OR1J2: variants seen among roughly 807,000 people sequenced by gnomAD.
The protein encoded by OR1J2 is olfactory receptor 1J2.
For missense variants in OR1J2, 304 were observed against 246.1 expected, an observed-to-expected ratio of 1.24 and a Z score of -1.57; for synonymous variants, 142 against 99.7, an observed-to-expected ratio of 1.42 and a Z score of -2.52.
the OR1J2 span, among the ~76,000 whole-genome samples, chr9:122,561,441 G>A: frequency 3.3e-5 from 5 of 152,062 alleles, no homozygotes; most frequent in East Asian, 9.6e-4. Flanking sequence ...GATTTTCAGC[G>A]TTTTTTCGTT....
the OR1J2 span, among the ~76,000 whole-genome samples, chr9:122,470,865 C>G: frequency 1.3e-5 from 2 of 152,198 alleles, no homozygotes; most frequent in African/African-American, 4.8e-5. Context: ...TTCAGACTTG[C>G]ATGGGGCCTG....
the OR1J2 span, among the ~76,000 whole-genome samples, chr9:122,537,664 A>T: frequency 1.0e-3 from 153 of 152,298 alleles, no homozygotes; most frequent in Non-Finnish European, 1.3e-3. Context: ...GGTTCTTCCT[A>T]TCCATGAGCA....
At chr9:122,526,109 C>G in the OR1J2 span, among the ~76,000 whole-genome samples, 1 of 152,114 alleles carries the variant, frequency 6.6e-6, no homozygotes, top group Non-Finnish European at 1.5e-5. Flanking sequence ...AATAGCTATC[C>G]CTTATTGAAC....
At chr9:122,456,555 C>G in the OR1J2 span, among the ~76,000 whole-genome samples, 4 of 152,076 alleles carry the variant, frequency 2.6e-5, no homozygotes, top group Non-Finnish European at 5.9e-5. Flanking sequence ...ATTAAGCTAA[C>G]AGAACCTTTA....
chr9:122,545,915 G>T, the OR1J2 span, among the ~76,000 whole-genome samples: 1 of 108,778 alleles, frequency 9.2e-6, no homozygotes, highest in Non-Finnish European at 1.8e-5. Flanking sequence ...AGCAGCAAAA[G>T]AATGAAAAAA....
chr9:122,450,158 G>A, the OR1J2 span, among the ~76,000 whole-genome samples: 1 of 152,166 alleles, frequency 6.6e-6, no homozygotes, highest in East Asian at 1.9e-4. Flanking sequence ...GGCCGTGCAT[G>A]GTGGCTCATG....
At chr9:122,529,943 G>A in the OR1J2 span, among the ~76,000 whole-genome samples, 1 of 152,202 alleles carries the variant, frequency 6.6e-6, no homozygotes, top group Admixed American at 6.5e-5. Context: ...CTTAATTTGA[G>A]GGGAAGAGCT....
chr9:122,526,657 C>A, the OR1J2 span: 4 of 1,614,118 alleles, frequency 2.5e-6, no homozygotes, highest in African/African-American at 2.7e-5. Context: ...TAGGAGGTGA[C>A]AATGCATAAA....
the OR1J2 span, among the ~76,000 whole-genome samples, chr9:122,575,146 G>A: frequency 2.6e-5 from 4 of 151,982 alleles, no homozygotes; most frequent in Non-Finnish European, 5.9e-5. Context: ...AGAGATACAG[G>A]TTTATAGTTT....
At chr9:122,526,271 T>C in the OR1J2 span, 1 of 666,352 alleles carries the variant, frequency 1.5e-6, no homozygotes, top group Non-Finnish European at 2.4e-6. Flanking sequence ...TACAATCTTA[T>C]GGCTAGTGTG....
chr9:122,471,846 G>A, the OR1J2 span, among the ~76,000 whole-genome samples: 1 of 152,128 alleles, frequency 6.6e-6, no homozygotes, highest in Non-Finnish European at 1.5e-5. Flanking sequence ...GGAGAATAGT[G>A]GATGCTGATT....
the OR1J2 span, among the ~76,000 whole-genome samples, chr9:122,558,726 A>G: frequency 6.6e-6 from 1 of 151,796 alleles, no homozygotes; most frequent in Admixed American, 6.6e-5. Context: ...CTTTTTTCAT[A>G]CAAATTTGTC....
At chr9:122,567,862 T>C in the OR1J2 span, 10 of 1,613,966 alleles carry the variant, frequency 6.2e-6, no homozygotes, top group Admixed American at 3.3e-5. Context: ...ACCAAAACAA[T>C]AGGTGCTTCT....
chr9:122,448,083 GTC>G, the OR1J2 span, among the ~76,000 whole-genome samples: 20 of 152,252 alleles, frequency 1.3e-4, no homozygotes, highest in African/African-American at 4.3e-4. Flanking sequence ...ACTGGCACCG[GTC>G]TCTGAGTTCC....
the OR1J2 span, among the ~76,000 whole-genome samples, chr9:122,559,898 C>G: frequency 1.3e-5 from 2 of 152,154 alleles, no homozygotes; most frequent in Non-Finnish European, 2.9e-5. Context: ...AATTTTCTGT[C>G]TCATTGATCA....
At chr9:122,553,318 G>T in the OR1J2 span, 2 of 1,613,900 alleles carry the variant, frequency 1.2e-6, no homozygotes, top group Non-Finnish European at 1.7e-6. Flanking sequence ...ATCTTCCTTG[G>T]CATGTACCTG....
the OR1J2 span, among the ~76,000 whole-genome samples, chr9:122,563,880 A>G: frequency 6.6e-6 from 1 of 152,160 alleles, no homozygotes; most frequent in Admixed American, 6.5e-5. Flanking sequence ...GCTTTTCCCA[A>G]TGTGTATTCT....
At chr9:122,473,418 T>A in the OR1J2 span, among the ~76,000 whole-genome samples, 1 of 152,214 alleles carries the variant, frequency 6.6e-6, no homozygotes, top group East Asian at 1.9e-4. Flanking sequence ...CTTTACCATA[T>A]GTAAGAAAAC....
At chr9:122,568,413 G>A in the OR1J2 span, 2 of 1,613,570 alleles carry the variant, frequency 1.2e-6, no homozygotes, top group Non-Finnish European at 1.7e-6. Context: ...TTGGTCCTCA[G>A]GCCGGGAGGA....
Sources: gnomAD v4.1 joint callset for allele counts (sites outside exome capture counted in the v4.1 genomes callset) on GRCh38, gnomAD v4.1.1 for gene constraint, MANE v1.5 for transcripts, NCBI Gene and HGNC (gene_info 2026-07-23, HGNC 2026-07-21) for gene names.